The following MBD5 variants were observed in gnomAD, a reference collection of about 807,000 sequenced individuals.
MBD5 encodes the protein methyl-CpG binding domain protein 5.
In MBD5, 13 loss-of-function variants were observed where a neutral mutation model predicts 117.3. That is an observed-to-expected ratio of 0.11 (90% CI 0.07 to 0.18). The LOEUF is 0.18. Among genes scored for constraint, MBD5 ranks in the 10% least tolerant of loss-of-function variants. The pLI is 1.00. For synonymous variants in MBD5, 727 were observed against 766.4 expected (o/e 0.95, Z 0.85); for missense variants, 1,879 against 2,093.8 (o/e 0.90, Z 2.00).
chr2:148,069,245 A>G (rs1319883416), intron 1 of MBD5, among the ~76,000 whole-genome samples: 2 of 152,264 alleles, frequency 1.3e-5, no homozygotes, highest in South Asian at 2.1e-4. Flanking sequence ...GGATGTGTTT[A>G]TTTATATTAT....
At chr2:148,030,012 C>T (rs1693995811) in intron 1 of MBD5, among the ~76,000 whole-genome samples, 2 of 152,202 alleles carry the variant, frequency 1.3e-5, no homozygotes, top group Middle Eastern at 6.8e-3. Context: ...TGGCTCATGC[C>T]TTAACCCCAG....
In MBD5 at chr2:148,501,222, G is replaced by C. The variant is rs1026379210; in HGVS notation, c.4963-1214G>C. On this transcript the variant is annotated intron_variant, in intron 11 of 13. Transcript: ENST00000642680. ...TCATAACTGTGTTCTAGATTTGAAG[G>C]GGTCATAGAGAAGTTATTTCTAAAG... Among the ~76,000 whole-genome samples the C allele has an allele frequency of 2.0e-5, 3 of 152,272 alleles. No homozygotes were observed. In the East Asian group the frequency reaches 5.8e-4, roughly 29 times the overall value.
At chr2:148,264,667 A>G (rs75869600) in intron 3 of MBD5, 19,271 of 152,234 alleles carry the variant, frequency 0.13, 1,476 homozygotes, top group Non-Finnish European at 0.18. Flanking sequence ...CTGGAGAACT[A>G]GACTTAAGAA....
At chr2:148,298,947 A>G (rs1701718767) in intron 3 of MBD5, among the ~76,000 whole-genome samples, 1 of 152,128 alleles carries the variant, frequency 6.6e-6, no homozygotes, top group Non-Finnish European at 1.5e-5. Context: ...TAGTCATGCT[A>G]CTGCCTCCAA....
chr2:148,046,016 G>A (rs1455749794), intron 1 of MBD5, among the ~76,000 whole-genome samples: 1 of 116,026 alleles, frequency 8.6e-6, no homozygotes, highest in African/African-American at 3.4e-5. Flanking sequence ...ACAGAGTCTC[G>A]CGGTGTTGCC....
chr2:148,171,389 G>A (rs1698258779), intron 1 of MBD5, among the ~76,000 whole-genome samples: 1 of 152,146 alleles, frequency 6.6e-6, no homozygotes, highest in South Asian at 2.1e-4. Context: ...ATGATCATCT[G>A]ATACGGATGA....
chr2:148,367,450 T>C (rs550205471), intron 4 of MBD5, among the ~76,000 whole-genome samples: 1 of 152,084 alleles, frequency 6.6e-6, no homozygotes, highest in East Asian at 1.9e-4. Context: ...CCAAAAGCAA[T>C]GGCAACAAAA....
chr2:148,270,399 T>TA (rs1700956247), intron 3 of MBD5, among the ~76,000 whole-genome samples: 2 of 151,448 alleles, frequency 1.3e-5, no homozygotes, highest in African/African-American at 4.8e-5. Flanking sequence ...TTCTATTTTT[T>TA]TTTTTTTTTT....
chr2:148,485,278 G>C (rs1183723976), intron 9 of MBD5: 1 of 156,442 alleles, frequency 6.4e-6, no homozygotes, highest in African/African-American at 2.4e-5. Flanking sequence ...ATTTGATTTG[G>C]TATCTATTGA....
chr2:148,197,806 G>GTTTTTTTTTTGTTTTTTTTTTTTT (rs1699030584), intron 2 of MBD5, among the ~76,000 whole-genome samples: 1 of 92,520 alleles, frequency 1.1e-5, no homozygotes. Context: ...TTTTTTTTTT[G>GTTTTTTTTTTGTTTTTTTTTTTTT]TTTTTTTTTT....
intron 2 of MBD5, among the ~76,000 whole-genome samples, chr2:148,192,965 A>C (rs1698875059): frequency 1.2e-5 from 1 of 83,472 alleles, no homozygotes; most frequent in African/African-American, 4.3e-5. Context: ...TACACCAACA[A>C]CAGACAAACA....
chr2:148,340,875 C>CACACACACACACACAT (rs535805362), intron 3 of MBD5, among the ~76,000 whole-genome samples: 1 of 144,522 alleles, frequency 6.9e-6, no homozygotes, highest in Admixed American at 7.0e-5. Context: ...CACACACACA[C>CACACACACACACACAT]ATAGCATTTA....
At chr2:148,364,971 C>G (rs1703654068) in intron 4 of MBD5, among the ~76,000 whole-genome samples, 1 of 152,198 alleles carries the variant, frequency 6.6e-6, no homozygotes, top group Non-Finnish European at 1.5e-5. Flanking sequence ...GTGAACTCAG[C>G]TCTGGACCAA....
intron 1 of MBD5, among the ~76,000 whole-genome samples, chr2:148,045,974 CTTTTTT>C (rs59672002): frequency 6.5e-5 from 5 of 77,482 alleles, no homozygotes; most frequent in East Asian, 4.2e-4. Flanking sequence ...AATGAAGTGC[CTTTTTT>C]TTTTTTTTTT....
intron 4 of MBD5, among the ~76,000 whole-genome samples, chr2:148,386,645 G>A (rs1258867389): frequency 6.7e-6 from 1 of 149,036 alleles, no homozygotes; most frequent in African/African-American, 2.5e-5. Flanking sequence ...CGTGAACCCG[G>A]GAGGCGGAGC....
At chr2:148,096,532 A>C (rs1440294680) in intron 1 of MBD5, among the ~76,000 whole-genome samples, 1 of 152,160 alleles carries the variant, frequency 6.6e-6, no homozygotes, top group Non-Finnish European at 1.5e-5. Context: ...TACTGAGTGA[A>C]GTGGCCAACA....
intron 3 of MBD5, among the ~76,000 whole-genome samples, chr2:148,315,463 C>T (rs1702136738): frequency 6.6e-6 from 1 of 152,148 alleles, no homozygotes; most frequent in African/African-American, 2.4e-5. Flanking sequence ...TCACTTAATT[C>T]TTCAAATGTT....
At chr2:148,378,153 A>G (rs1006592259) in intron 4 of MBD5, among the ~76,000 whole-genome samples, 4 of 152,164 alleles carry the variant, frequency 2.6e-5, no homozygotes, top group African/African-American at 9.7e-5. Context: ...TACAGTATTC[A>G]TTAATTTATA....
At chr2:148,325,814 G>T (rs879576048) in intron 3 of MBD5, among the ~76,000 whole-genome samples, 1 of 152,016 alleles carries the variant, frequency 6.6e-6, no homozygotes, top group African/African-American at 2.4e-5. Context: ...TTTTTGAACG[G>T]TTTTTTGTGT....
Sources: gnomAD v4.1 joint callset for allele counts (sites outside exome capture counted in the v4.1 genomes callset) on GRCh38, gnomAD v4.1.1 for gene constraint, MANE v1.5 for transcripts, NCBI Gene and HGNC (gene_info 2026-07-23, HGNC 2026-07-21) for gene names.